The following PDE4D variants were observed in gnomAD, a reference collection of about 807,000 sequenced individuals.
The protein encoded by PDE4D is phosphodiesterase 4D, also known as 3',5'-cyclic-AMP phosphodiesterase 4D.
In PDE4D, 24 loss-of-function variants were observed where a neutral mutation model predicts 87.4. The observed-to-expected ratio is 0.27, with a 90% CI of 0.20 to 0.39. The LOEUF (loss-of-function observed/expected upper bound fraction) is 0.39, where lower values mean the gene tolerates loss of function less well. Ranked by LOEUF, PDE4D falls within the 10% of genes least tolerant of loss-of-function variation. The pLI, the probability that PDE4D is intolerant of heterozygous loss-of-function variation, is 1.00. For synonymous variants in PDE4D, 384 were observed against 383.2 expected (o/e 1.00, Z -0.02); for missense variants, 714 against 1,041.0 (o/e 0.69, Z 4.32).
chr5:59,860,012 T>C (rs998122454), intron 1 of PDE4D, among the ~76,000 whole-genome samples: 2 of 152,228 alleles, frequency 1.3e-5, no homozygotes, highest in African/African-American at 4.8e-5. Flanking sequence ...TTGGAGTTTA[T>C]TGAGTTATAC....
intron 1 of PDE4D, among the ~76,000 whole-genome samples, chr5:59,492,498 G>GA (rs1415710778): frequency 6.6e-6 from 1 of 152,140 alleles, no homozygotes; most frequent in African/African-American, 2.4e-5. Flanking sequence ...TATTTACTCA[G>GA]AAAATCTAAT....
At chr5:59,549,295 G>A (rs1417977427) in intron 1 of PDE4D, among the ~76,000 whole-genome samples, 1 of 152,158 alleles carries the variant, frequency 6.6e-6, no homozygotes, top group South Asian at 2.1e-4. Flanking sequence ...TTAAAACTGA[G>A]TGTGTTTTTC....
At chr5:59,640,329 GCCGGAGTTCTT>G (rs1213291333) in intron 1 of PDE4D, among the ~76,000 whole-genome samples, 1 of 152,168 alleles carries the variant, frequency 6.6e-6, no homozygotes, top group African/African-American at 2.4e-5. Flanking sequence ...AGACTCTGGA[GCCGGAGTTCTT>G]CCTCTCACCC....
chr5:60,032,888 C>A (rs1222247169), intron 2 of PDE4D: 1 of 152,138 alleles, frequency 6.6e-6, no homozygotes, highest in Admixed American at 6.5e-5. Context: ...ATCCATATTG[C>A]GTACTTTGAA....
At chr5:59,526,857 C>T (rs1250623740) in intron 1 of PDE4D, among the ~76,000 whole-genome samples, 2 of 152,096 alleles carry the variant, frequency 1.3e-5, no homozygotes, top group African/African-American at 4.8e-5. Context: ...AACTCCTGGG[C>T]TCAAGCAATC....
intron 1 of PDE4D, among the ~76,000 whole-genome samples, chr5:60,405,737 T>C (rs536568453): frequency 1.3e-5 from 2 of 152,258 alleles, no homozygotes; most frequent in Non-Finnish European, 2.9e-5. Flanking sequence ...CCAGATACTT[T>C]ACCAAGGTTA....
intron 1 of PDE4D, among the ~76,000 whole-genome samples, chr5:59,289,431 C>A (rs1168314308): frequency 1.3e-5 from 2 of 151,842 alleles, no homozygotes; most frequent in African/African-American, 4.8e-5. Context: ...ACAGGAAGGA[C>A]AAAAACCATA....
chr5:59,005,639 A>G (rs1173799370), intron 6 of PDE4D, among the ~76,000 whole-genome samples: 1 of 152,222 alleles, frequency 6.6e-6, no homozygotes, highest in Non-Finnish European at 1.5e-5. Flanking sequence ...AGAAACTTTA[A>G]TAAGTTACAA....
At chr5:60,369,986 A>C (rs1315821175) in intron 1 of PDE4D, among the ~76,000 whole-genome samples, 5 of 152,240 alleles carry the variant, frequency 3.3e-5, no homozygotes, top group Admixed American at 3.3e-4. Flanking sequence ...AGGCCTTATC[A>C]TGAGCATTCC....
intron 3 of PDE4D, among the ~76,000 whole-genome samples, chr5:59,941,338 A>C (rs1035154854): frequency 2.0e-5 from 3 of 152,236 alleles, no homozygotes; most frequent in Non-Finnish European, 2.9e-5. Context: ...AGTGCTTTAC[A>C]ACCTTATATT....
intron 1 of PDE4D, among the ~76,000 whole-genome samples, chr5:59,640,955 C>T (rs180868411): frequency 6.6e-6 from 1 of 152,250 alleles, no homozygotes; most frequent in Non-Finnish European, 1.5e-5. Context: ...CTCCAGTCAA[C>T]TTCATTCTCA....
At chr5:59,655,451 A>G (rs1744200762) in intron 1 of PDE4D, among the ~76,000 whole-genome samples, 1 of 152,194 alleles carries the variant, frequency 6.6e-6, no homozygotes, top group East Asian at 1.9e-4. Context: ...ATAAAATGTA[A>G]TGTTGGAAAA....
chr5:59,465,050 G>A (rs1801372493), intron 1 of PDE4D, among the ~76,000 whole-genome samples: 1 of 152,216 alleles, frequency 6.6e-6, no homozygotes. Flanking sequence ...AAATTAGGTG[G>A]CTTCCCATTG....
intron 3 of PDE4D, among the ~76,000 whole-genome samples, chr5:59,186,261 T>G (rs1407371029): frequency 6.6e-6 from 1 of 152,202 alleles, no homozygotes; most frequent in Non-Finnish European, 1.5e-5. Context: ...GGACTAGATA[T>G]GCAACCTCTT....
intron 1 of PDE4D, among the ~76,000 whole-genome samples, chr5:60,356,732 A>G (rs535923305): frequency 1.3e-5 from 2 of 152,334 alleles, no homozygotes; most frequent in South Asian, 4.1e-4. Context: ...TGAGTAAATA[A>G]ATGATGTTGA....
chr5:59,290,488 A>G (rs990821805), intron 1 of PDE4D, among the ~76,000 whole-genome samples: 2 of 152,082 alleles, frequency 1.3e-5, no homozygotes, highest in Non-Finnish European at 2.9e-5. Flanking sequence ...GAAAACATTG[A>G]AGAAAGTCTC....
intron 5 of PDE4D, among the ~76,000 whole-genome samples, chr5:59,178,606 G>T (rs543664363): frequency 6.6e-6 from 1 of 152,086 alleles, no homozygotes; most frequent in Non-Finnish European, 1.5e-5. Flanking sequence ...CCTGGCATCT[G>T]CTGGGATGGC....
At chr5:59,977,051 A>G (rs1761411505) in intron 3 of PDE4D, among the ~76,000 whole-genome samples, 5 of 152,294 alleles carry the variant, frequency 3.3e-5, no homozygotes, top group South Asian at 4.1e-4. Context: ...AATTAGGCCA[A>G]TTAATAACCT....
chr5:59,943,187 G>A (rs181958093), intron 3 of PDE4D, among the ~76,000 whole-genome samples: 15 of 143,460 alleles, frequency 1.0e-4, no homozygotes, highest in African/African-American at 3.9e-4. Flanking sequence ...ATTTTCCAAA[G>A]GTAACAATTA....
Sources: allele counts gnomAD v4.1 joint callset (sites outside exome capture counted in the v4.1 genomes callset), GRCh38; gene constraint gnomAD v4.1.1; transcripts MANE v1.5; gene names NCBI Gene and HGNC (gene_info 2026-07-23, HGNC 2026-07-21).